Variants in APLP2 observed in about 807,000 individuals in gnomAD.
The protein encoded by APLP2 is amyloid beta precursor like protein 2, also known as CDEI box-binding protein.
A neutral mutation model predicts 89.9 loss-of-function variants in APLP2; 53 were observed. The ratio of observed to expected loss-of-function variants is 0.59; its 90% CI spans 0.47 to 0.74. APLP2 has a LOEUF of 0.74. Ranked by LOEUF, APLP2 falls within the 30% of genes least tolerant of loss-of-function variation. APLP2 has a pLI of 0.00. For synonymous variants in APLP2, 372 were observed against 348.6 expected, an observed-to-expected ratio of 1.07 and a Z score of -0.75; for missense variants, 973 against 975.9, an observed-to-expected ratio of 1.00 and a Z score of 0.04.
intron 13 of APLP2, chr11:130,139,382 C>G (rs1210451381): frequency 6.6e-6 from 1 of 152,212 alleles, no homozygotes; most frequent in Non-Finnish European, 1.5e-5. Flanking sequence ...GTTGAAGTCT[C>G]ACTTGCAGGT....
intron 1 of APLP2, among the ~76,000 whole-genome samples, chr11:130,102,308 C>T (rs1565570605): frequency 6.6e-6 from 1 of 152,028 alleles, no homozygotes; most frequent in Non-Finnish European, 1.5e-5. Context: ...TCGTACCTTT[C>T]GCTATCAGTA....
intron 1 of APLP2, among the ~76,000 whole-genome samples, chr11:130,084,063 G>C (rs1276234521): frequency 6.6e-6 from 1 of 152,020 alleles, no homozygotes; most frequent in Non-Finnish European, 1.5e-5. Flanking sequence ...TGGCTAACAC[G>C]GTGAAACCCT....
intron 1 of APLP2, among the ~76,000 whole-genome samples, chr11:130,092,001 C>G (rs1421195321): frequency 1.5e-5 from 2 of 133,308 alleles, no homozygotes; most frequent in Non-Finnish European, 3.1e-5. Flanking sequence ...CCTCACTTCT[C>G]AGACGGGGCG....
At chr11:130,120,562 G>T in intron 3 of APLP2, 144 bp from the exon 4 acceptor site, 1 of 663,514 alleles carries the variant, frequency 1.5e-6, no homozygotes, top group Non-Finnish European at 2.7e-6. Flanking sequence ...CATCCAGTCA[G>T]CCTTTGAAGG....
chr11:130,082,824 G>C, intron 1 of APLP2: 1 of 158,960 alleles, frequency 6.3e-6, no homozygotes, highest in South Asian at 1.6e-4. Context: ...AGAGAGGGGG[G>C]AAGCTTTTCA....
chr11:130,137,414 G>C, intron 13 of APLP2: 1 of 933,924 alleles, frequency 1.1e-6, no homozygotes, highest in African/African-American at 1.6e-5. Flanking sequence ...CTTCTGACAC[G>C]GCTGTGAGTG....
intron 1 of APLP2, among the ~76,000 whole-genome samples, chr11:130,093,044 C>T (rs7109735): frequency 0.051 from 7,694 of 152,154 alleles, 522 homozygotes; most frequent in East Asian, 0.24. Flanking sequence ...CCCTACCTGG[C>T]AGTCTAGGAA....
At chr11:130,138,589 T>TTG (rs1370672702) in intron 13 of APLP2, among the ~76,000 whole-genome samples, 1 of 140,344 alleles carries the variant, frequency 7.1e-6, no homozygotes, top group African/African-American at 2.7e-5. Context: ...AGGTTTTTTT[T>TTG]TTTTTTTTTT....
At position 130,094,116 on chromosome 11, in the gene APLP2, C is replaced by T. The variant is rs988832050; in HGVS notation, c.106-15313C>T. Among the ~76,000 whole-genome samples the T allele has an allele frequency of 4.4e-5, 6 of 135,590 alleles. No homozygotes were observed. In the South Asian group the frequency reaches 1.4e-3, roughly 33 times the overall value. 89.0% of individuals were successfully genotyped at this position (135,590 alleles called of 152,430 possible). The stretch of plus-strand genomic sequence containing the variant: ...TAGCCCAGGCTGGAGTGCAATGGGG[C>T]GATCTTGGCTCACCACAACTTCTGC... On this transcript the variant is annotated intron_variant, in intron 1 of 16. Transcript: ENST00000338167.
intron 1 of APLP2, among the ~76,000 whole-genome samples, chr11:130,082,065 A>T (rs550677272): frequency 6.6e-6 from 1 of 152,242 alleles, no homozygotes; most frequent in Non-Finnish European, 1.5e-5. Flanking sequence ...GGTTCTTAAG[A>T]TGATATAATA....
chr11:130,075,948 G>A (rs1037884037), intron 1 of APLP2, among the ~76,000 whole-genome samples: 3 of 152,132 alleles, frequency 2.0e-5, no homozygotes, highest in African/African-American at 7.2e-5. Flanking sequence ...TAAACCATAT[G>A]GTTAATAGTG....
chr11:130,121,620 CTGACTCAGGGAA>C lies in APLP2; in HGVS notation c.528_539del (p.Gln177_Thr180del). On this transcript the variant is annotated inframe_deletion, in exon 5 of 17. Coordinates refer to ENST00000338167, the MANE Select transcript of APLP2 (RefSeq NM_001142276.2). ...GCCTGTGGGTTTCTTTTAGGCATGTCTGACTCAGGGAATGACCTTATATAGCTACGGCATGCT... is the reference window on the plus strand; with the variant it reads ...GCCTGTGGGTTTCTTTTAGGCATGTCTGACCTTATATAGCTACGGCATGCT... The C allele has an allele frequency of 6.2e-7, 1 of 1,612,322 alleles. No homozygotes were observed.
chr11:130,139,166 T>C (rs1159452888), intron 13 of APLP2: 1 of 152,234 alleles, frequency 6.6e-6, no homozygotes, highest in Admixed American at 6.5e-5. Context: ...TGCAAGTCTT[T>C]AAAGTTGAAG....
At chr11:130,099,919 G>T (rs759349147) in intron 1 of APLP2, among the ~76,000 whole-genome samples, 15 of 152,166 alleles carry the variant, frequency 9.9e-5, no homozygotes, top group Non-Finnish European at 2.1e-4. Context: ...GTGGTTCTGC[G>T]TGTTATTTTA....
intron 1 of APLP2, among the ~76,000 whole-genome samples, chr11:130,071,105 C>T (rs1332928677): frequency 3.3e-5 from 5 of 152,018 alleles, no homozygotes; most frequent in Admixed American, 6.5e-5. Context: ...ATTTCTTCTC[C>T]CTCTTCGCTC....
intron 1 of APLP2, among the ~76,000 whole-genome samples, chr11:130,090,425 T>A (rs1399763733): frequency 1.3e-5 from 2 of 150,436 alleles, no homozygotes; most frequent in Non-Finnish European, 3.0e-5. Context: ...CCGCAGTGTT[T>A]GTGTCCCTGA....
rs771035735 is a variant in APLP2, at chr11:130,122,519, C to A, written c.922+6C>A. ...AATTACTCATGATGTCAAAGGTAAC[C>A]CCATGTAGAGCCATGGCTTTGAAAT... On this transcript the variant is annotated splice_donor_region_variant and intron_variant, in intron 6 of 16. Transcript: ENST00000338167. The A allele has an allele frequency of 8.1e-6, 13 of 1,613,874 alleles. No homozygotes were observed. The highest frequency in any genetic ancestry group is 1.1e-5 in the Non-Finnish European group (13 of 1,179,828).
chr11:130,139,087 A>G (rs1008226468), intron 13 of APLP2: 2 of 152,202 alleles, frequency 1.3e-5, no homozygotes, highest in African/African-American at 2.4e-5. Context: ...AAATAGTTGG[A>G]GTGCAGTATT....
chr11:130,109,995 G>A (rs568597837), intron 2 of APLP2, among the ~76,000 whole-genome samples: 1 of 152,342 alleles, frequency 6.6e-6, no homozygotes, highest in South Asian at 2.1e-4. Context: ...GATAGGAGAT[G>A]TTATAACTTG....
Sources: gnomAD v4.1 joint callset for allele counts (sites outside exome capture counted in the v4.1 genomes callset) on GRCh38, gnomAD v4.1.1 for gene constraint, MANE v1.5 for transcripts, NCBI Gene and HGNC (gene_info 2026-07-23, HGNC 2026-07-21) for gene names.